PRKN: variants seen among roughly 807,000 people sequenced by gnomAD.
PRKN encodes parkin RBR E3 ubiquitin protein ligase.
Under a neutral mutation model 59.5 loss-of-function variants are expected in PRKN, and 56 were observed. That is an observed-to-expected ratio of 0.94 (90% CI 0.76 to 1.18). The LOEUF (loss-of-function observed/expected upper bound fraction) is 1.18, where lower values mean the gene tolerates loss of function less well. Among genes scored for constraint, PRKN ranks in the 50% most tolerant of loss-of-function variants. The pLI is 0.00. For missense variants in PRKN, 657 were observed against 596.4 expected, an observed-to-expected ratio of 1.10 and a Z score of -1.06; for synonymous variants, 250 against 222.1, an observed-to-expected ratio of 1.13 and a Z score of -1.12.
At chr6:161,639,379 G>A (rs1783653488) in intron 7 of PRKN, among the ~76,000 whole-genome samples, 1 of 152,078 alleles carries the variant, frequency 6.6e-6, no homozygotes. Flanking sequence ...CGCAACGTCG[G>A]CACACTCTCT....
chr6:162,039,143 G>A (rs1229354553), intron 5 of PRKN, among the ~76,000 whole-genome samples: 5 of 147,938 alleles, frequency 3.4e-5, no homozygotes, highest in Non-Finnish European at 5.9e-5. Flanking sequence ...GCGACAGAGC[G>A]AGACTCCATC....
At chr6:162,475,652 G>T in intron 1 of PRKN, among the ~76,000 whole-genome samples, 1 of 152,212 alleles carries the variant, frequency 6.6e-6, no homozygotes, top group East Asian at 1.9e-4. Context: ...CAAGCACAGG[G>T]CTGCGTGTGC....
rs1792662118 is a variant in PRKN at position 161,834,601 on chromosome 6, CG to C, written c.735-48694del. 2.0e-5 allele frequency among the ~76,000 whole-genome samples: 3 copies of C among 152,168 alleles called. No homozygotes were observed. In the South Asian group the frequency reaches 6.2e-4, roughly 32 times the overall value. ...GGGAACACGCTCATTAGGAACAAGC[CG>C]GCTGGAAGCTTCAGATTGTTACATT... On this transcript the variant is annotated intron_variant, in intron 6 of 11. Transcript: ENST00000366898.
At chr6:162,312,080 T>G (rs535212688) in intron 2 of PRKN, among the ~76,000 whole-genome samples, 1 of 152,156 alleles carries the variant, frequency 6.6e-6, no homozygotes, top group South Asian at 2.1e-4. Context: ...TGTAAATAAC[T>G]GCTTGGAACT....
Position 161,369,940 on chromosome 6 carries a change from A to G in PRKN, c.1168-9735T>C. 1 of 424,806 alleles carries G rather than the reference A, an allele frequency of 2.4e-6. No homozygotes were observed. The highest frequency in any genetic ancestry group is 4.9e-6 in the Non-Finnish European group (1 of 202,876). 26.3% of individuals were successfully genotyped at this position (424,806 alleles called of 1,614,324 possible). A position where few individuals can be genotyped will look rare whatever the true frequency, so the allele number is the denominator to read the frequency against. ...AACCTCACAAGGGTCATCGTGAGTA[A>G]GATCAACACACAAACGGCTTAGCAC... On this transcript the variant is annotated intron_variant, in intron 10 of 11. Coordinates refer to ENST00000366898, the MANE Select transcript of PRKN (RefSeq NM_004562.3). The surrounding 1 kb of genome is among the most constrained non-coding windows in gnomAD (Gnocchi z 5.8).
At chr6:161,577,410 A>G (rs1781172943) in intron 7 of PRKN, among the ~76,000 whole-genome samples, 1 of 152,226 alleles carries the variant, frequency 6.6e-6, no homozygotes, top group Non-Finnish European at 1.5e-5. Flanking sequence ...TCTAAAAATA[A>G]CCTTGGAAAA....
At chr6:162,039,900 G>T (rs1360486327) in intron 5 of PRKN, among the ~76,000 whole-genome samples, 1 of 152,170 alleles carries the variant, frequency 6.6e-6, no homozygotes, top group Non-Finnish European at 1.5e-5. Flanking sequence ...GTCATCTACT[G>T]CTATTCAACA....
intron 7 of PRKN, among the ~76,000 whole-genome samples, chr6:161,668,390 T>G (rs1349397168): frequency 4.0e-5 from 6 of 151,854 alleles, no homozygotes; most frequent in Admixed American, 2.6e-4. Flanking sequence ...TTAAATACAA[T>G]GCAAAATTTC....
At chr6:162,492,009 G>C (rs531889063) in intron 1 of PRKN, among the ~76,000 whole-genome samples, 3 of 152,288 alleles carry the variant, frequency 2.0e-5, no homozygotes, top group East Asian at 3.9e-4. Flanking sequence ...AGGTGTGACT[G>C]TGGCAGACGT....
rs868032540 is a variant in PRKN at position 161,377,133 on chromosome 6, C to A, written c.1167+9661G>T. Among the ~76,000 whole-genome samples the A allele has an allele frequency of 6.6e-6, 1 of 152,216 alleles. No individual in the cohort carries two copies. Among genetic ancestry groups the A allele is most frequent in the Non-Finnish European group, 1.5e-5 (1 of 68,044 alleles). On this transcript the variant is annotated intron_variant, in intron 10 of 11. Transcript: ENST00000366898. This position sits in a 1 kb window ranked among gnomAD's most constrained non-coding sequence, Gnocchi z 4.2. The stretch of plus-strand genomic sequence containing the variant: ...GAGGTCACGTGGGGCTACCTGCGGG[C>A]CAATAAGAGCATCCCAGCAAAGATT...
In PRKN at chr6:161,352,761, A is replaced by G. The variant is rs1443657500; in HGVS notation, c.1286-2550T>C. Among the ~76,000 whole-genome samples, 12 of 102,352 alleles carry G rather than the reference A, an allele frequency of 1.2e-4. No homozygotes were observed. The highest frequency in any genetic ancestry group is 3.3e-4 in the South Asian group (1 of 2,994). The allele number at this position is 102,352 out of a possible 152,430, so 67.1% of individuals were successfully genotyped here. ...TGTGTGTGTGTGTGTGTGTGTATAT[A>G]TATATATATATTTTATTTTATTTTA... On this transcript the variant is annotated intron_variant, in intron 11 of 11. Coordinates refer to ENST00000366898, the MANE Select transcript of PRKN (RefSeq NM_004562.3). This position sits in a 1 kb window ranked among gnomAD's most constrained non-coding sequence, Gnocchi z 5.8.
intron 1 of PRKN, among the ~76,000 whole-genome samples, chr6:162,648,756 G>A (rs779850096): frequency 2.0e-5 from 3 of 152,120 alleles, no homozygotes; most frequent in Non-Finnish European, 4.4e-5. Flanking sequence ...TGATCTCATA[G>A]AGTGTGCACA....
At chr6:162,380,800 T>C (rs1177848755) in intron 2 of PRKN, among the ~76,000 whole-genome samples, 1 of 151,932 alleles carries the variant, frequency 6.6e-6, no homozygotes. Flanking sequence ...GCTCAGTGAA[T>C]GGGAGGTGTT....
intron 1 of PRKN, among the ~76,000 whole-genome samples, chr6:162,547,871 C>T (rs1035266022): frequency 6.6e-6 from 1 of 152,044 alleles, no homozygotes; most frequent in African/African-American, 2.4e-5. Context: ...CATGAGCCAC[C>T]GTGCCTGGCC....
intron 9 of PRKN, among the ~76,000 whole-genome samples, chr6:161,532,055 A>C (rs1447899522): frequency 6.6e-6 from 1 of 152,120 alleles, no homozygotes; most frequent in African/African-American, 2.4e-5. Flanking sequence ...CTTCCCTGAA[A>C]CAAAAAACTA....
intron 1 of PRKN, among the ~76,000 whole-genome samples, chr6:162,691,296 T>A (rs1777765471): frequency 6.6e-6 from 1 of 152,124 alleles, no homozygotes. Flanking sequence ...ATAAAATGTT[T>A]TAGAACAAAA....
rs1052638531 is a variant in PRKN, at chr6:161,470,783, G to A, written c.1083+78071C>T. ...CCAGTGATGTGCCTACCCTGAGCCCGAAGGCTGCCTGAAGGGCTGCCACAT... is the reference window on the plus strand; with the variant it reads ...CCAGTGATGTGCCTACCCTGAGCCCAAAGGCTGCCTGAAGGGCTGCCACAT... On this transcript the variant is annotated intron_variant, in intron 9 of 11. Coordinates refer to ENST00000366898, the MANE Select transcript of PRKN (RefSeq NM_004562.3). The surrounding 1 kb of genome is among the most constrained non-coding windows in gnomAD (Gnocchi z 5.1). Among the ~76,000 whole-genome samples, 7 of 152,258 alleles carry A rather than the reference G, an allele frequency of 4.6e-5. No homozygotes were observed. Among genetic ancestry groups the A allele is most frequent in the East Asian group, 1.9e-4 (1 of 5,166 alleles).
At chr6:161,747,409 T>TTTC in intron 7 of PRKN, among the ~76,000 whole-genome samples, 1 of 152,028 alleles carries the variant, frequency 6.6e-6, no homozygotes, top group Non-Finnish European at 1.5e-5. Flanking sequence ...TTTTTTTTTT[T>TTTC]CTCATCAGAA....
intron 6 of PRKN, among the ~76,000 whole-genome samples, chr6:161,885,554 G>A (rs202184417): frequency 1.1e-4 from 16 of 151,806 alleles, no homozygotes; most frequent in South Asian, 6.3e-4. Context: ...AGTCCCAGCT[G>A]CTCGGGAGGC....
Sources: gnomAD v4.1 joint callset for allele counts (sites outside exome capture counted in the v4.1 genomes callset) on GRCh38, gnomAD v4.1.1 for gene constraint, Gnocchi (gnomAD v3.1) non-coding constraint, MANE v1.5 for transcripts, NCBI Gene and HGNC (gene_info 2026-07-23, HGNC 2026-07-21) for gene names.